HDX: variants seen among roughly 807,000 people sequenced by gnomAD.
The protein encoded by HDX is chromosome X open reading frame 43.
In HDX, 19 loss-of-function variants were observed where a neutral mutation model predicts 45.2. The observed-to-expected ratio is 0.42, with a 90% confidence interval of 0.29 to 0.62. The LOEUF (loss-of-function observed/expected upper bound fraction) is 0.62, where lower values mean the gene tolerates loss of function less well. Among genes scored for constraint, HDX ranks in the 20% least tolerant of loss-of-function variants. HDX has a pLI of 0.20. For synonymous variants in HDX, 188 were observed against 172.8 expected (o/e 1.09, Z -0.69); for missense variants, 532 against 493.9 (o/e 1.08, Z -0.73).
intron 2 of HDX, among the ~76,000 whole-genome samples, chrX:84,481,713 T>C (rs775592567): frequency 9.0e-6 from 1 of 111,141 alleles, no homozygotes; most frequent in African/African-American, 3.3e-5. Flanking sequence ...TTATTTTTTA[T>C]CTTTACTTTT....
chrX:84,352,491 T>C (rs2037383068), intron 6 of HDX, among the ~76,000 whole-genome samples: 1 of 111,907 alleles, frequency 8.9e-6, no homozygotes, highest in African/African-American at 3.2e-5. Flanking sequence ...TTTTTATTTT[T>C]AATTTTTGTA....
chrX:84,344,131 CA>C (rs1366323272), intron 7 of HDX, 118 bp downstream of exon 7: 6 of 505,246 alleles, frequency 1.2e-5, no homozygotes, highest in Non-Finnish European at 2.0e-5. Context: ...TCTATTGTTT[CA>C]AATACTTGGC....
intron 5 of HDX, among the ~76,000 whole-genome samples, chrX:84,414,146 C>A (rs910383413): frequency 2.7e-5 from 3 of 111,708 alleles, no homozygotes; most frequent in Admixed American, 1.9e-4. Context: ...CAGTGTACCC[C>A]AACTCGTAGA....
At chrX:84,353,698 G>T (rs1453851797) in intron 6 of HDX, among the ~76,000 whole-genome samples, 4 of 111,253 alleles carry the variant, frequency 3.6e-5, no homozygotes, top group African/African-American at 1.3e-4. Flanking sequence ...GATTGTTACT[G>T]GCAGAGATTA....
chrX:84,409,726 G>A (rs1185158351), intron 5 of HDX, among the ~76,000 whole-genome samples: 1 of 75,353 alleles, frequency 1.3e-5, no homozygotes, highest in Non-Finnish European at 2.5e-5. Flanking sequence ...ACTGTTGTGG[G>A]GTGGGGGGAG....
intron 9 of HDX, among the ~76,000 whole-genome samples, chrX:84,326,769 G>A (rs914953582): frequency 1.8e-5 from 2 of 110,330 alleles, no homozygotes; most frequent in African/African-American, 6.6e-5. Context: ...AAAATTAGTA[G>A]GGCATGGTGG....
At chrX:84,392,616 G>A (rs1417581832) in intron 5 of HDX, among the ~76,000 whole-genome samples, 4 of 110,255 alleles carry the variant, frequency 3.6e-5, no homozygotes, top group Admixed American at 1.9e-4. Context: ...AGTTTTCCTT[G>A]TAGAGCTTTT....
chrX:84,460,412 A>C (rs1035434705), intron 4 of HDX, among the ~76,000 whole-genome samples: 1 of 112,396 alleles, frequency 8.9e-6, no homozygotes, highest in African/African-American at 3.2e-5. Flanking sequence ...AATGTGATAC[A>C]TCATACCAAC....
intron 5 of HDX, among the ~76,000 whole-genome samples, chrX:84,376,223 T>C (rs1053045153): frequency 8.9e-6 from 1 of 112,243 alleles, no homozygotes; most frequent in African/African-American, 3.2e-5. Flanking sequence ...CGCGAATAGC[T>C]AGCAGCAATA....
At chrX:84,422,739 G>A (rs762871334) in intron 5 of HDX, among the ~76,000 whole-genome samples, 50 of 87,553 alleles carry the variant, frequency 5.7e-4, no homozygotes, top group African/African-American at 2.0e-3. Flanking sequence ...TGCGATCTCT[G>A]CTCACTGCAA....
chrX:84,501,829 C>T (rs1188235678), intron 1 of HDX, among the ~76,000 whole-genome samples: 12 of 111,562 alleles, frequency 1.1e-4, no homozygotes, highest in African/African-American at 3.9e-4. Context: ...CCACCTCTTC[C>T]AGTGAAACCG....
chrX:84,395,289 C>G (rs1181464039), intron 5 of HDX, among the ~76,000 whole-genome samples: 1 of 109,866 alleles, frequency 9.1e-6, no homozygotes, highest in Admixed American at 9.8e-5. Context: ...TTTTATTTGT[C>G]TGGAAAATAC....
intron 9 of HDX, among the ~76,000 whole-genome samples, chrX:84,327,040 A>T (rs898558482): frequency 1.8e-5 from 2 of 111,952 alleles, no homozygotes; most frequent in African/African-American, 3.2e-5. Context: ...GTGAATTTGC[A>T]CCAAGAAGAG....
chrX:84,367,386 C>T (rs1273988620), intron 5 of HDX, among the ~76,000 whole-genome samples: 1 of 112,235 alleles, frequency 8.9e-6, no homozygotes, highest in African/African-American at 3.2e-5. Context: ...AATAGGAACG[C>T]TTTTACACTG....
intron 10 of HDX, among the ~76,000 whole-genome samples, chrX:84,323,955 A>C (rs1336930777): frequency 8.9e-6 from 1 of 112,617 alleles, no homozygotes; most frequent in Non-Finnish European, 1.9e-5. Context: ...AGTATTAATC[A>C]TTCTTATCCC....
At chrX:84,344,128 T>C in intron 7 of HDX, 122 bp downstream of exon 7, 1 of 490,213 alleles carries the variant, frequency 2.0e-6, no homozygotes, top group South Asian at 4.0e-5. Flanking sequence ...AAATCTATTG[T>C]TTCAAATACT....
intron 1 of HDX, chrX:84,500,425 C>T (rs1280604527): frequency 2.8e-5 from 3 of 108,167 alleles, no homozygotes; most frequent in Non-Finnish European, 5.7e-5. Flanking sequence ...GGTTTAAAAT[C>T]CATTTGAGGA....
At chrX:84,406,509 C>CAT (rs2038830128) in intron 5 of HDX, among the ~76,000 whole-genome samples, 3 of 68,316 alleles carry the variant, frequency 4.4e-5, no homozygotes, top group African/African-American at 1.4e-4. Context: ...CATACACACA[C>CAT]ACACACACAT....
intron 6 of HDX, among the ~76,000 whole-genome samples, chrX:84,345,611 T>G (rs1417122609): frequency 8.9e-6 from 1 of 111,941 alleles, no homozygotes; most frequent in Non-Finnish European, 1.9e-5. Flanking sequence ...TTTACAGGTT[T>G]TGTGTAGACA....
Sources: allele counts gnomAD v4.1 joint callset (sites outside exome capture counted in the v4.1 genomes callset), GRCh38; gene constraint gnomAD v4.1.1; transcripts MANE v1.5; gene names NCBI Gene and HGNC (gene_info 2026-07-23, HGNC 2026-07-21).